Variants in WDPCP observed in about 807,000 individuals in gnomAD.
The protein encoded by WDPCP is WD repeat containing planar cell polarity effector, also known as WD repeat-containing and planar cell polarity effector protein fritz homolog.
A neutral mutation model predicts 93.1 loss-of-function variants in WDPCP; 71 were observed. The observed-to-expected ratio is 0.76, with a 90% confidence interval of 0.63 to 0.93. The LOEUF is 0.93. Among genes scored for constraint, WDPCP ranks in the 40% least tolerant of loss-of-function variants. WDPCP has a pLI of 0.00. For missense variants in WDPCP, 844 were observed against 887.4 expected (o/e 0.95, Z 0.62); for synonymous variants, 315 against 315.0 (o/e 1.00, Z 0.00).
intron 14 of WDPCP, among the ~76,000 whole-genome samples, chr2:63,257,831 A>G (rs1681268208): frequency 6.6e-6 from 1 of 152,152 alleles, no homozygotes; most frequent in African/African-American, 2.4e-5. Context: ...AAATAGCTTT[A>G]AAATGCAAAG....
chr2:63,348,962 G>C (rs182630869), intron 12 of WDPCP, among the ~76,000 whole-genome samples: 77 of 152,282 alleles, frequency 5.1e-4, no homozygotes, highest in African/African-American at 1.8e-3. Context: ...AAAACATGTT[G>C]AGATAGTGAG....
intron 12 of WDPCP, among the ~76,000 whole-genome samples, chr2:63,319,232 G>A (rs751822525): frequency 1.4e-4 from 22 of 151,990 alleles, no homozygotes; most frequent in Admixed American, 2.6e-4. Flanking sequence ...TTCTTCTAAG[G>A]GTTTTATAGT....
At chr2:63,406,484 A>T (rs1694596949) in intron 9 of WDPCP, among the ~76,000 whole-genome samples, 1 of 152,174 alleles carries the variant, frequency 6.6e-6, no homozygotes, top group Admixed American at 6.6e-5. Context: ...TGTAAAGGAG[A>T]AAAAGTAATA....
In WDPCP at chr2:63,252,078, T is replaced by C. The variant is rs1010646220; in HGVS notation, c.1915+7229A>G. Among the ~76,000 whole-genome samples the C allele has an allele frequency of 2.0e-5, 3 of 152,098 alleles. No homozygotes were observed. The East Asian group carries it at 5.8e-4, about 29-fold the overall frequency. ...TTGAATCCAGCAGCAAATCAGAAAGTTAATTCACCATGATCAAGCAGGCTT... is the reference window on the plus strand; with the variant it reads ...TTGAATCCAGCAGCAAATCAGAAAGCTAATTCACCATGATCAAGCAGGCTT... On this transcript the variant is annotated intron_variant, in intron 14 of 17. Transcript: ENST00000272321.
At chr2:63,813,290 G>A (rs1280102269) in intron 2 of WDPCP, among the ~76,000 whole-genome samples, 1 of 152,192 alleles carries the variant, frequency 6.6e-6, no homozygotes, top group Non-Finnish European at 1.5e-5. Flanking sequence ...TAAAGGAGAA[G>A]CACAGGTTTC....
chr2:63,392,612 G>C (rs1175645474), intron 10 of WDPCP, among the ~76,000 whole-genome samples: 1 of 152,000 alleles, frequency 6.6e-6, no homozygotes, highest in Non-Finnish European at 1.5e-5. Context: ...CTACAGAATG[G>C]GAGAAAATTT....
intron 14 of WDPCP, among the ~76,000 whole-genome samples, chr2:63,246,321 T>C (rs939846272): frequency 6.6e-6 from 1 of 152,176 alleles, no homozygotes; most frequent in African/African-American, 2.4e-5. Context: ...CAGTGGTTTG[T>C]GCTCACTGCA....
upstream of WDPCP, chr2:63,589,056 G>T (rs1424095834): frequency 6.2e-7 from 1 of 1,613,950 alleles, no homozygotes; most frequent in African/African-American, 1.3e-5. Flanking sequence ...GGTGAGTGTG[G>T]GCCCCGGGTT....
At chr2:63,701,676 G>C (rs985956697) in intron 2 of WDPCP, among the ~76,000 whole-genome samples, 3 of 152,152 alleles carry the variant, frequency 2.0e-5, no homozygotes, top group Non-Finnish European at 4.4e-5. Flanking sequence ...CCATAAGAAA[G>C]AATGAAATCC....
At chr2:63,677,526 G>A (rs1346807482) in intron 2 of WDPCP, among the ~76,000 whole-genome samples, 1 of 93,968 alleles carries the variant, frequency 1.1e-5, no homozygotes, top group East Asian at 4.1e-4. Flanking sequence ...GACGATAAAA[G>A]TACTAAAAAT....
intron 14 of WDPCP, among the ~76,000 whole-genome samples, chr2:63,255,777 C>A (rs1463266838): frequency 1.3e-5 from 2 of 152,082 alleles, no homozygotes; most frequent in African/African-American, 4.8e-5. Flanking sequence ...TTCCAGACGA[C>A]ATGATGTGGA....
At chr2:63,448,135 T>C (rs1388139736) in intron 6 of WDPCP, among the ~76,000 whole-genome samples, 1 of 152,124 alleles carries the variant, frequency 6.6e-6, no homozygotes, top group Middle Eastern at 3.2e-3. Flanking sequence ...TAAATTCTGC[T>C]GATACTCTTT....
chr2:63,312,046 C>T (rs1686224700), intron 13 of WDPCP, among the ~76,000 whole-genome samples: 1 of 152,140 alleles, frequency 6.6e-6, no homozygotes, highest in South Asian at 2.1e-4. Flanking sequence ...TTTTCTGACA[C>T]TGTGATCTCT....
chr2:63,795,230 G>A (rs1039014661), intron 2 of WDPCP, among the ~76,000 whole-genome samples: 2 of 152,212 alleles, frequency 1.3e-5, no homozygotes, highest in Admixed American at 1.3e-4. Flanking sequence ...AGTTGGATGA[G>A]TGGAACAACA....
intron 17 of WDPCP, among the ~76,000 whole-genome samples, chr2:63,131,935 C>T (rs897292639): frequency 2.0e-5 from 3 of 150,878 alleles, no homozygotes; most frequent in East Asian, 1.9e-4. Context: ...TCCCAGGTTC[C>T]GCTATTCTCC....
intron 17 of WDPCP, among the ~76,000 whole-genome samples, chr2:63,151,836 T>C (rs1320596043): frequency 6.6e-6 from 1 of 152,142 alleles, no homozygotes; most frequent in African/African-American, 2.4e-5. Context: ...AAAAATCCCG[T>C]GGAGTGTGTG....
At chr2:63,206,037 G>A (rs368535208) in intron 14 of WDPCP, among the ~76,000 whole-genome samples, 2 of 152,170 alleles carry the variant, frequency 1.3e-5, no homozygotes, top group African/African-American at 4.8e-5. Context: ...CTGAAGTGAT[G>A]TTGAATTTTA....
chr2:63,581,150 C>T (rs952846328), intron 1 of WDPCP, among the ~76,000 whole-genome samples: 1 of 152,112 alleles, frequency 6.6e-6, no homozygotes, highest in Admixed American at 6.5e-5. Context: ...AGAAGGCATA[C>T]AAAGCTGTCT....
intron 14 of WDPCP, among the ~76,000 whole-genome samples, chr2:63,238,012 A>C (rs1431429807): frequency 1.3e-5 from 2 of 151,920 alleles, no homozygotes; most frequent in Non-Finnish European, 2.9e-5. Flanking sequence ...TAAAAAAAAA[A>C]ACAACAAAAT....
Sources: allele counts gnomAD v4.1 joint callset (sites outside exome capture counted in the v4.1 genomes callset), GRCh38; gene constraint gnomAD v4.1.1; transcripts MANE v1.5; gene names NCBI Gene and HGNC (gene_info 2026-07-23, HGNC 2026-07-21).